Variants in FERMT2 observed in about 807,000 individuals in gnomAD.
FERMT2 encodes FERM domain containing kindlin 2.
FERMT2 carries 15 observed loss-of-function variants against 82.7 expected under a neutral mutation model. That is an observed-to-expected ratio of 0.18 (90% CI 0.12 to 0.28). The LOEUF (loss-of-function observed/expected upper bound fraction) is 0.28. FERMT2 is among the 10% of genes least tolerant of loss of function. The probability of loss-of-function intolerance (pLI) is 1.00; values close to 1 mark genes in which losing one functional copy is unlikely to be tolerated. For missense variants in FERMT2, 645 were observed against 809.4 expected (o/e 0.80, Z 2.46); for synonymous variants, 274 against 271.5 (o/e 1.01, Z -0.09).
At chr14:52,948,999 A>G (rs1042468469) in intron 2 of FERMT2, among the ~76,000 whole-genome samples, 6 of 152,230 alleles carry the variant, frequency 3.9e-5, no homozygotes, top group Non-Finnish European at 1.5e-5. Flanking sequence ...ATATTTTGCA[A>G]ACAGTGACTG....
chr14:52,891,776 G>A (rs1010858799), intron 4 of FERMT2, among the ~76,000 whole-genome samples: 4 of 152,176 alleles, frequency 2.6e-5, no homozygotes, highest in Non-Finnish European at 4.4e-5. Context: ...TACATTTGTG[G>A]CTGATGGAAA....
At chr14:52,864,663 G>A (rs761310814) in intron 11 of FERMT2, 41 bp from the exon 12 acceptor site, 1 of 1,586,842 alleles carries the variant, frequency 6.3e-7, no homozygotes, top group Non-Finnish European at 8.7e-7. Flanking sequence ...GTATCACGAG[G>A]TGGGTCTTTC....
chr14:52,908,312 G>C (rs1361046526), intron 3 of FERMT2, among the ~76,000 whole-genome samples: 1 of 152,116 alleles, frequency 6.6e-6, no homozygotes, highest in African/African-American at 2.4e-5. Flanking sequence ...ATATGACCCA[G>C]AAACCTACCG....
intron 2 of FERMT2, among the ~76,000 whole-genome samples, chr14:52,944,568 C>T (rs1890240054): frequency 6.6e-6 from 1 of 152,188 alleles, no homozygotes; most frequent in African/African-American, 2.4e-5. Context: ...AACGAAGCCC[C>T]TCATGTAAGC....
At chr14:52,867,646 T>C (rs1885366824) in intron 10 of FERMT2, among the ~76,000 whole-genome samples, 1 of 152,306 alleles carries the variant, frequency 6.6e-6, no homozygotes, top group African/African-American at 2.4e-5. Flanking sequence ...CTGTAGCATG[T>C]GCATCTCTCC....
chr14:52,897,793 A>T (rs1023796639), intron 3 of FERMT2, among the ~76,000 whole-genome samples: 1 of 152,040 alleles, frequency 6.6e-6, no homozygotes, highest in Non-Finnish European at 1.5e-5. Context: ...CCTGGCCAAC[A>T]TGGTGAAACC....
chr14:52,936,346 G>A (rs1889835860), intron 2 of FERMT2, among the ~76,000 whole-genome samples: 1 of 152,126 alleles, frequency 6.6e-6, no homozygotes, highest in Non-Finnish European at 1.5e-5. Flanking sequence ...TGAAATCCAA[G>A]AGGATTATCA....
At chr14:52,861,170 CTACTT>C (rs2140050681) in intron 12 of FERMT2, 1 of 679,396 alleles carries the variant, frequency 1.5e-6, no homozygotes, top group Non-Finnish European at 2.5e-6. Context: ...ATGCAAAAAA[CTACTT>C]TAGGTAGAAA....
chr14:52,927,216 G>C (rs1284505901), intron 2 of FERMT2, among the ~76,000 whole-genome samples: 2 of 151,962 alleles, frequency 1.3e-5, no homozygotes, highest in Non-Finnish European at 2.9e-5. Flanking sequence ...ATATTGCTTA[G>C]TCTACCAAAC....
At chr14:52,916,023 G>C (rs760115625) in intron 3 of FERMT2, among the ~76,000 whole-genome samples, 69 of 152,262 alleles carry the variant, frequency 4.5e-4, no homozygotes, top group Non-Finnish European at 8.8e-4. Flanking sequence ...GACACATCCA[G>C]ACGATGGAAT....
At chr14:52,941,398 A>G (rs1890084983) in intron 2 of FERMT2, among the ~76,000 whole-genome samples, 1 of 152,212 alleles carries the variant, frequency 6.6e-6, no homozygotes, top group Admixed American at 6.5e-5. Context: ...TAAGAAGGAT[A>G]AATTTTACTA....
At chr14:52,910,304 A>G (rs1393556217) in intron 3 of FERMT2, among the ~76,000 whole-genome samples, 1 of 152,208 alleles carries the variant, frequency 6.6e-6, no homozygotes, top group African/African-American at 2.4e-5. Flanking sequence ...AATAGGAATG[A>G]ATTAGCATGT....
At chr14:52,940,182 G>C (rs1890027372) in intron 2 of FERMT2, among the ~76,000 whole-genome samples, 3 of 152,090 alleles carry the variant, frequency 2.0e-5, no homozygotes. Flanking sequence ...TGTGTAGAAA[G>C]GTCACCCCAA....
At chr14:52,913,709 G>T (rs1305045354) in intron 3 of FERMT2, among the ~76,000 whole-genome samples, 2 of 149,582 alleles carry the variant, frequency 1.3e-5, no homozygotes, top group African/African-American at 4.9e-5. Context: ...AGTAGTAGTA[G>T]TAGTAATGAA....
intron 2 of FERMT2, among the ~76,000 whole-genome samples, chr14:52,925,558 C>CAAA (rs761894753): frequency 2.7e-4 from 15 of 55,660 alleles, no homozygotes; most frequent in African/African-American, 4.3e-4. Context: ...GACTCTGTCT[C>CAAA]AAAAAAAAAA....
chr14:52,890,325 T>A (rs1173829513), intron 4 of FERMT2, among the ~76,000 whole-genome samples: 2 of 149,694 alleles, frequency 1.3e-5, no homozygotes, highest in Non-Finnish European at 3.0e-5. Flanking sequence ...ACGCCTGTAA[T>A]CCCAGCTACT....
At chr14:52,871,163 G>A (rs1885599743) in intron 10 of FERMT2, among the ~76,000 whole-genome samples, 1 of 152,136 alleles carries the variant, frequency 6.6e-6, no homozygotes, top group Non-Finnish European at 1.5e-5. Flanking sequence ...CATTTTCTGT[G>A]TCTCTAACCC....
intron 4 of FERMT2, 82 bp downstream of exon 4, chr14:52,893,211 A>G: frequency 7.7e-7 from 1 of 1,296,796 alleles, no homozygotes; most frequent in South Asian, 1.8e-5. Context: ...GACCTACATG[A>G]TCCATTTACC....
chr14:52,950,147 C>T (rs115261931), intron 2 of FERMT2, among the ~76,000 whole-genome samples: 1 of 152,212 alleles, frequency 6.6e-6, no homozygotes, highest in Non-Finnish European at 1.5e-5. Context: ...CGGCACACAT[C>T]CCCCGTCCCG....
Sources: gnomAD v4.1 joint callset for allele counts (sites outside exome capture counted in the v4.1 genomes callset) on GRCh38, gnomAD v4.1.1 for gene constraint, MANE v1.5 for transcripts, NCBI Gene and HGNC (gene_info 2026-07-23, HGNC 2026-07-21) for gene names.